Variants in TBC1D1 observed in about 807,000 individuals in gnomAD.
The protein encoded by TBC1D1 is TBC1 domain family member 1, also known as TBC1 (tre-2/USP6, BUB2, cdc16) domain family, member 1.
In TBC1D1, 89 loss-of-function variants were observed where a neutral mutation model predicts 125.6. That is an observed-to-expected ratio of 0.71 (90% CI 0.60 to 0.85). TBC1D1 has a LOEUF of 0.85. Ranked by LOEUF, TBC1D1 falls within the 40% of genes least tolerant of loss-of-function variation. TBC1D1 has a pLI of 0.00. For synonymous variants in TBC1D1, 565 were observed against 564.1 expected, an observed-to-expected ratio of 1.00 and a Z score of -0.02; for missense variants, 1,377 against 1,469.2, an observed-to-expected ratio of 0.94 and a Z score of 1.03.
intron 2 of TBC1D1, among the ~76,000 whole-genome samples, chr4:37,907,734 C>T (rs971492259): frequency 6.6e-6 from 1 of 152,186 alleles, no homozygotes; most frequent in African/African-American, 2.4e-5. Flanking sequence ...TACCTCATCA[C>T]ATCCCAAAGA....
At chr4:38,059,669 G>A (rs997996293) in intron 12 of TBC1D1, among the ~76,000 whole-genome samples, 2 of 152,246 alleles carry the variant, frequency 1.3e-5, no homozygotes, top group Non-Finnish European at 2.9e-5. Context: ...AGAGGGTGGC[G>A]TTAGCGAAGC....
At chr4:37,938,590 G>A (rs1724883376) in intron 2 of TBC1D1, among the ~76,000 whole-genome samples, 1 of 152,062 alleles carries the variant, frequency 6.6e-6, no homozygotes, top group Non-Finnish European at 1.5e-5. Flanking sequence ...GTGCAGGTTT[G>A]TTACATATGT....
In TBC1D1 at chr4:38,049,895, G is replaced by A. The variant is rs770966885; in HGVS notation, c.1907G>A (p.Arg636Gln). 1.0e-5 allele frequency: 16 copies of A among 1,606,192 alleles called. No homozygotes were observed. The highest frequency in any genetic ancestry group is 6.7e-5 in the East Asian group (3 of 44,806). ...GTGAGCACAGAGACGCCTCATGAAC[G>A]AAAGTAAGATTTGTTTAAATTTGTT... Residue 636 changes from arginine (R) to glutamine (Q), a missense_variant, in exon 11 of 20, where the codon CGA becomes CAA. By Grantham distance (43) the Arg-to-Gln change is conservative. This residue lies in a region of TBC1D1 where 822 missense variants were observed against 824.6 expected (regional missense o/e 1.00). Coordinates refer to ENST00000261439, the MANE Select transcript of TBC1D1 (RefSeq NM_015173.4).
At chr4:38,054,544 T>C (rs1351510368) in intron 12 of TBC1D1, among the ~76,000 whole-genome samples, 1 of 152,156 alleles carries the variant, frequency 6.6e-6, no homozygotes, top group Non-Finnish European at 1.5e-5. Context: ...GGGTAACCTC[T>C]CCATAAACAG....
chr4:37,908,465 C>T (rs1267507066), intron 2 of TBC1D1, among the ~76,000 whole-genome samples: 1 of 152,154 alleles, frequency 6.6e-6, no homozygotes, highest in African/African-American at 2.4e-5. Context: ...TTCCACCTCC[C>T]AAAATGTTGG....
rs1744046237 is a variant in TBC1D1 at position 38,021,592 on chromosome 4, G to C, written c.1084G>C (p.Glu362Gln). 1 of 1,548,072 alleles carries C rather than the reference G, an allele frequency of 6.5e-7. No homozygotes were observed. Among genetic ancestry groups the C allele is most frequent in the Non-Finnish European group, 8.7e-7 (1 of 1,148,620 alleles). Residue 362 changes from glutamate to glutamine, a missense_variant, in exon 6 of 20, where the codon GAA (glutamate) becomes CAA (glutamine). Around this residue, in one of 3 missense-constraint regions of TBC1D1, gnomAD observed 822 missense variants for 824.6 expected, o/e 1.00. Transcript: ENST00000261439. ...TTCTCTTCTCTTTGATTAGGTTGAT[G>C]AAATTATGATGACCCTGAAACAGGC...
At position 38,133,173 on chromosome 4, in the gene TBC1D1, C is replaced by T; in HGVS notation, c.3222C>T (p.Leu1074=). Residue 1074 remains leucine, a synonymous_variant, in exon 19 of 20, where the codon CTC becomes CTT. Coordinates refer to ENST00000261439, the MANE Select transcript of TBC1D1 (RefSeq NM_015173.4). ...AAGAACTTATCGATTCCTCTCCTCT[C>T]AGTGACAACCAAAGAATGGATAAAT... 2 of 1,614,168 alleles carry T rather than the reference C, an allele frequency of 1.2e-6. No homozygotes were observed. Among genetic ancestry groups the T allele is most frequent in the Non-Finnish European group, 1.7e-6 (2 of 1,179,982 alleles).
chr4:37,935,432 C>T (rs1037388319), intron 2 of TBC1D1, among the ~76,000 whole-genome samples: 2 of 152,164 alleles, frequency 1.3e-5, no homozygotes, highest in African/African-American at 2.4e-5. Context: ...ACCTGGGAGT[C>T]GTCTTTGACT....
At chr4:38,129,801 T>C (rs1167597456) in intron 18 of TBC1D1, among the ~76,000 whole-genome samples, 3 of 152,188 alleles carry the variant, frequency 2.0e-5, no homozygotes, top group African/African-American at 4.8e-5. Flanking sequence ...TTTAAACTTA[T>C]GTAACATATA....
chr4:38,036,187 A>G (rs1377036264), intron 8 of TBC1D1, among the ~76,000 whole-genome samples: 1 of 152,180 alleles, frequency 6.6e-6, no homozygotes, highest in Non-Finnish European at 1.5e-5. Flanking sequence ...TCCATTTTGC[A>G]TGGTGGAAAT....
intron 11 of TBC1D1, 107 bp downstream of exon 12, chr4:38,052,167 CTGTGTG>C (rs58659939): frequency 0.014 from 10,469 of 735,988 alleles, 70 homozygotes; most frequent in Middle Eastern, 0.044. Flanking sequence ...AGCAGAGCCA[CTGTGTG>C]TGTGTGTGTG....
intron 12 of TBC1D1, among the ~76,000 whole-genome samples, chr4:38,057,977 A>G (rs1380320552): frequency 6.6e-6 from 1 of 152,166 alleles, no homozygotes; most frequent in Non-Finnish European, 1.5e-5. Context: ...CCCTCTTCCC[A>G]CAGGAAGCTC....
At chr4:37,945,512 CAAAAAAAAAAAAAAAAAAAAAAA>C (rs59557310) in intron 2 of TBC1D1, among the ~76,000 whole-genome samples, 14 of 20,680 alleles carry the variant, frequency 6.8e-4, no homozygotes, top group African/African-American at 1.6e-3. Context: ...GACTCCACCT[CAAAAAAAAAAAAAAAAAAAAAAA>C]AAAAAAAAAA....
chr4:38,048,841 C>T (rs757441316), intron 10 of TBC1D1, among the ~76,000 whole-genome samples: 4 of 152,118 alleles, frequency 2.6e-5, no homozygotes, highest in Non-Finnish European at 5.9e-5. Context: ...TTTGAAAAAG[C>T]GTGCATCGTG....
intron 15 of TBC1D1, among the ~76,000 whole-genome samples, chr4:38,104,022 T>C (rs1444684501): frequency 6.6e-6 from 1 of 151,660 alleles, no homozygotes; most frequent in African/African-American, 2.4e-5. Context: ...TAGCCAGGCA[T>C]GGTGGTGGGC....
chr4:37,996,079 G>A, intron 2 of TBC1D1: 4 of 514,212 alleles, frequency 7.8e-6, no homozygotes, highest in South Asian at 5.7e-5. Flanking sequence ...AGGCCTATGT[G>A]GGTATATGAT....
At chr4:37,976,045 CAGTAAT>C (rs1429488988) in intron 2 of TBC1D1, among the ~76,000 whole-genome samples, 2 of 152,088 alleles carry the variant, frequency 1.3e-5, no homozygotes, top group Non-Finnish European at 2.9e-5. Context: ...TTTTCACAAA[CAGTAAT>C]AGAGCAAAAG....
chr4:37,910,223 G>A (rs1018790734), intron 2 of TBC1D1, among the ~76,000 whole-genome samples: 6 of 152,190 alleles, frequency 3.9e-5, no homozygotes, highest in African/African-American at 7.2e-5. Context: ...GACTTTACAA[G>A]TGTCTTGCAC....
chr4:37,900,155 G>C (rs571945434), intron 1 of TBC1D1, among the ~76,000 whole-genome samples: 1 of 152,076 alleles, frequency 6.6e-6, no homozygotes, highest in African/African-American at 2.4e-5. Flanking sequence ...AGTAAGGAAG[G>C]TGTGGCCAAG....
Sources: allele counts gnomAD v4.1 joint callset (sites outside exome capture counted in the v4.1 genomes callset), GRCh38; gene constraint gnomAD v4.1.1; regional missense constraint gnomAD v4.1.1; transcripts MANE v1.5; gene names NCBI Gene and HGNC (gene_info 2026-07-23, HGNC 2026-07-21).